Variants in SOX30 observed in about 807,000 individuals in gnomAD.
The protein encoded by SOX30 is SRY-box transcription factor 30.
SOX30 carries 17 observed loss-of-function variants against 58.6 expected under a neutral mutation model. The observed-to-expected ratio is 0.29, with a 90% CI of 0.20 to 0.44. The LOEUF (loss-of-function observed/expected upper bound fraction) is 0.44. Among genes scored for constraint, SOX30 ranks in the 20% least tolerant of loss-of-function variants. SOX30 has a pLI of 1.00. For missense variants in SOX30, 951 were observed against 965.8 expected (o/e 0.98, Z 0.20); for synonymous variants, 421 against 400.2 (o/e 1.05, Z -0.62).
chr5:157,667,996 G>T (rs1469793832), intron 1 of SOX30: 2 of 899,428 alleles, frequency 2.2e-6, no homozygotes, highest in African/African-American at 1.7e-5. Flanking sequence ...GCACAGAGAG[G>T]TGGAGGAACT....
intron 2 of SOX30, among the ~76,000 whole-genome samples, chr5:157,663,791 C>A (rs1759618311): frequency 6.6e-6 from 1 of 152,178 alleles, no homozygotes; most frequent in Non-Finnish European, 1.5e-5. Context: ...AAATCACGAG[C>A]ATTCCTATAC....
intron 3 of SOX30, among the ~76,000 whole-genome samples, chr5:157,646,227 TGA>T (rs1759188191): frequency 6.6e-6 from 1 of 152,170 alleles, no homozygotes; most frequent in Admixed American, 6.5e-5. Context: ...TCTAGAGCAG[TGA>T]GAGAATGGTC....
intron 4 of SOX30, 93 bp downstream of exon 4, chr5:157,638,137 A>T: frequency 7.9e-7 from 1 of 1,270,212 alleles, no homozygotes; most frequent in Non-Finnish European, 1.1e-6. Context: ...TCTGCTTTTC[A>T]GTATTTAAAA....
rs1233904965 is a variant in SOX30, at chr5:157,626,524, C to A, written c.2078G>T (p.Gly693Val). The change falls in exon 5 of 5, where the codon GGA (glycine) becomes GTA (valine). Residue 693 changes from glycine to valine, a missense_variant. Around this residue, in one of 7 missense-constraint regions of SOX30, gnomAD observed 381 missense variants for 390.0 expected, o/e 0.98. Coordinates refer to ENST00000265007, the MANE Select transcript of SOX30 (RefSeq NM_178424.2). ...ENSRSCENMN[G>V]TSYYNSHSHS... ...GCTATGACTGTTATAGTAAGAAGTT[C>A]CATTCATGTTCTCACAACTCCGAGA... 6.2e-7 allele frequency: 1 copy of A among 1,614,134 alleles called. No homozygotes were observed. Among genetic ancestry groups the A allele is most frequent in the Admixed American group, 1.7e-5 (1 of 60,006 alleles).
upstream of SOX30, among the ~76,000 whole-genome samples, chr5:157,652,758 G>A (rs1759395466): frequency 3.3e-5 from 5 of 152,100 alleles, no homozygotes; most frequent in Admixed American, 3.3e-4. Context: ...CCACTGTTTT[G>A]TGTCTCTACC....
upstream of SOX30, among the ~76,000 whole-genome samples, chr5:157,655,388 G>A (rs1478580537): frequency 6.6e-6 from 1 of 152,210 alleles, no homozygotes; most frequent in Non-Finnish European, 1.5e-5. Context: ...ACTTAGGAGG[G>A]TTAGAGTCCC....
Position 157,626,348 on chromosome 5 carries a change from C to T in SOX30, c.2254G>A (p.Asp752Asn), listed in dbSNP as rs1395379643. The T allele has an allele frequency of 4.1e-5, 65 of 1,600,868 alleles. No individual in the cohort carries two copies. The highest frequency in any genetic ancestry group is 5.4e-5 in the Non-Finnish European group (63 of 1,173,936). ...DEEEEEKVLRDL is the reference protein window; with the variant it reads ...DEEEEEKVLRNL ...GCATATTTGTTTTAAAATTATAAAT[C>T]CCTGAGCACTTTTTCTTCTTCCTCC... is the stretch of plus-strand genomic sequence containing the variant. Residue 752 changes from aspartate to asparagine, a missense_variant, in exon 5 of 5, where the codon GAT becomes AAT. By Grantham distance (23) the Asp-to-Asn change is conservative. Coordinates refer to ENST00000265007, the MANE Select transcript of SOX30 (RefSeq NM_178424.2).
intron 2 of SOX30, among the ~76,000 whole-genome samples, chr5:157,666,111 T>C (rs1012879248): frequency 4.6e-5 from 7 of 152,042 alleles, no homozygotes; most frequent in Admixed American, 2.6e-4. Flanking sequence ...AAATGGAATC[T>C]TGAAACTAAG....
chr5:157,648,935 TACACAC>T lies in SOX30; in HGVS notation c.968-45_968-40del, dbSNP rs3217237. ...ATTAAAAGGCTAAATTAATGTGCCATACACACACACACACACAATTTTAAGGTAAAG... is the reference window on the plus strand; with the variant it reads ...ATTAAAAGGCTAAATTAATGTGCCATACACACACACAATTTTAAGGTAAAG... On this transcript the variant is annotated intron_variant, in intron 1 of 4. Coordinates refer to ENST00000265007, the MANE Select transcript of SOX30 (RefSeq NM_178424.2). 11 of 1,481,706 alleles carry T rather than the reference TACACAC, an allele frequency of 7.4e-6. No individual in the cohort carries two copies. In the South Asian group the frequency reaches 1.4e-4, roughly 18 times the overall value. 91.8% of individuals were successfully genotyped at this position (1,481,706 alleles called of 1,614,324 possible).
intron 4 of SOX30, among the ~76,000 whole-genome samples, chr5:157,627,324 C>G (rs914006834): frequency 3.3e-5 from 5 of 152,124 alleles, no homozygotes; most frequent in Non-Finnish European, 4.4e-5. Context: ...GACTGCGCCA[C>G]TGCACTCCAG....
At chr5:157,670,435 TAA>T (rs773198556) in intron 1 of SOX30, among the ~76,000 whole-genome samples, 2 of 152,164 alleles carry the variant, frequency 1.3e-5, no homozygotes, top group African/African-American at 2.4e-5. Context: ...ATAATCCAGG[TAA>T]AGAGTTTTAT....
intron 2 of SOX30, among the ~76,000 whole-genome samples, chr5:157,659,774 C>G (rs1561589686): frequency 6.6e-6 from 1 of 152,116 alleles, no homozygotes; most frequent in Non-Finnish European, 1.5e-5. Flanking sequence ...TAGCTTCAGT[C>G]CAGAGAGGTG....
intron 2 of SOX30, among the ~76,000 whole-genome samples, chr5:157,657,713 G>T (rs1337824695): frequency 6.6e-6 from 1 of 152,224 alleles, no homozygotes; most frequent in Non-Finnish European, 1.5e-5. Flanking sequence ...GTATATTGCT[G>T]TGAATAACAT....
chr5:157,666,755 G>C (rs1358018793), intron 2 of SOX30, among the ~76,000 whole-genome samples: 1 of 152,084 alleles, frequency 6.6e-6, no homozygotes, highest in African/African-American at 2.4e-5. Context: ...GCCCAGGCTG[G>C]AGTGCAGTGG....
At chr5:157,628,237 T>C (rs2113830347) in intron 4 of SOX30, among the ~76,000 whole-genome samples, 1 of 152,198 alleles carries the variant, frequency 6.6e-6, no homozygotes, top group Non-Finnish European at 1.5e-5. Context: ...TTATTCTCTC[T>C]TTCAAAGGCA....
Position 157,648,861 on chromosome 5 carries a change from C to G in SOX30, c.1003G>C (p.Gly335Arg). The G allele has an allele frequency of 6.2e-7, 1 of 1,611,068 alleles. No homozygotes were observed. The highest frequency in any genetic ancestry group is 1.1e-5 in the South Asian group (1 of 90,824). Residue 335 changes from glycine to arginine, a missense_variant, in exon 2 of 5, where the codon GGT becomes CGT. Physicochemically the swap from Gly to Arg is moderately radical, Grantham distance 125 (BLOSUM62 -2). Transcript: ENST00000265007. ...GCGTTCATGGGTCGCTTCACATGAC[C>G]ATTTCTGTCCTTACTGAAGGGAGTA... The part of the protein sequence containing the change: ...PDTPFSKDRN[G>R]HVKRPMNAFM...
In SOX30 at chr5:157,651,376, G is replaced by T. The variant is rs1164648029; in HGVS notation, c.703C>A (p.Leu235Met). 1 of 1,613,648 alleles carries T rather than the reference G, an allele frequency of 6.2e-7. No homozygotes were observed. Among genetic ancestry groups the T allele is most frequent in the Admixed American group, 1.7e-5 (1 of 60,012 alleles). Residue 235 changes from leucine (L) to methionine (M), a missense_variant, in exon 1 of 5, where the codon CTG becomes ATG. This residue lies in a region of SOX30 where 84 missense variants were observed against 68.2 expected (regional missense o/e 1.23). Transcript: ENST00000265007. The part of the protein sequence containing the change: ...RLGAEPASNG[L>M]VHGSAEVILA... ...ATGACCTCCGCGCTGCCATGAACCA[G>T]GCCATTGGACGCGGGCTCCGCGCCG...
At position 157,651,857 on chromosome 5, in the gene SOX30, C is replaced by T; in HGVS notation, c.222G>A (p.Lys74=). ...GTGGTAGCAGCAACACCTGCTCTGGCTTCACCTGCAGCAGCCGCCGCACCG... is the reference window on the plus strand; with the variant it reads ...GTGGTAGCAGCAACACCTGCTCTGGTTTCACCTGCAGCAGCCGCCGCACCG... ...QPAVRRLLQV[K]PEQVLLLPQP... Residue 74 remains lysine (K), a synonymous_variant, in exon 1 of 5, where the codon AAG becomes AAA. Coordinates refer to ENST00000265007, the MANE Select transcript of SOX30 (RefSeq NM_178424.2). The T allele has an allele frequency of 1.3e-6, 2 of 1,574,230 alleles. No individual in the cohort carries two copies. Among genetic ancestry groups the T allele is most frequent in the Non-Finnish European group, 1.7e-6 (2 of 1,164,610 alleles).
chr5:157,669,216 CAG>C (rs1329424737), intron 1 of SOX30, among the ~76,000 whole-genome samples: 5 of 152,164 alleles, frequency 3.3e-5, no homozygotes, highest in Non-Finnish European at 7.4e-5. Flanking sequence ...TTTTTTGAGA[CAG>C]AGTCTTACTC....
Sources: gnomAD v4.1 joint callset for allele counts (sites outside exome capture counted in the v4.1 genomes callset) on GRCh38, gnomAD v4.1.1 for gene constraint, gnomAD v4.1.1 regional missense constraint, MANE v1.5 for transcripts, NCBI Gene and HGNC (gene_info 2026-07-23, HGNC 2026-07-21) for gene names.